Variants in LRRC4C observed in about 807,000 individuals in gnomAD.
LRRC4C encodes leucine-rich repeat-containing protein 4C.
LRRC4C carries 5 observed loss-of-function variants against 33.6 expected under a neutral mutation model. The observed-to-expected ratio is 0.15, with a 90% CI of 0.08 to 0.31. The LOEUF is 0.31. Ranked by LOEUF, LRRC4C falls within the 10% of genes least tolerant of loss-of-function variation. LRRC4C has a pLI of 1.00. For missense variants in LRRC4C, 560 were observed against 796.7 expected (o/e 0.70, Z 3.58); for synonymous variants, 329 against 302.0 (o/e 1.09, Z -0.93).
chr11:41,400,043 A>G (rs553189599), intron 1 of LRRC4C, among the ~76,000 whole-genome samples: 1 of 152,062 alleles, frequency 6.6e-6, no homozygotes, highest in South Asian at 2.1e-4. Context: ...GTGAATGTCA[A>G]TTTTGAGGAA....
chr11:41,019,224 T>C (rs1026530012), intron 1 of LRRC4C, among the ~76,000 whole-genome samples: 64 of 151,856 alleles, frequency 4.2e-4, no homozygotes, highest in African/African-American at 1.4e-3. Context: ...TCTCTGTCCA[T>C]GTGTCCTCAA....
intron 2 of LRRC4C, among the ~76,000 whole-genome samples, chr11:40,883,607 T>C (rs1168540412): frequency 1.3e-5 from 2 of 152,054 alleles, no homozygotes; most frequent in African/African-American, 2.4e-5. Flanking sequence ...GTTATGAGTA[T>C]ATCAACATAT....
intron 2 of LRRC4C, among the ~76,000 whole-genome samples, chr11:40,660,889 G>A (rs1943398092): frequency 6.6e-6 from 1 of 152,130 alleles, no homozygotes; most frequent in Non-Finnish European, 1.5e-5. Context: ...TGCAAATTAT[G>A]TCCCAACAAA....
intron 1 of LRRC4C, among the ~76,000 whole-genome samples, chr11:41,246,170 A>C (rs1948444237): frequency 6.6e-6 from 1 of 152,064 alleles, no homozygotes; most frequent in Non-Finnish European, 1.5e-5. Flanking sequence ...TTGTTCCTGC[A>C]GAGGGGGTGC....
At chr11:40,696,551 T>A (rs1389523701) in intron 2 of LRRC4C, among the ~76,000 whole-genome samples, 1 of 149,140 alleles carries the variant, frequency 6.7e-6, no homozygotes, top group Non-Finnish European at 1.5e-5. Flanking sequence ...TTTTTCTTTT[T>A]ATTGACTCCC....
chr11:40,894,101 A>T (rs1252695776), intron 2 of LRRC4C, among the ~76,000 whole-genome samples: 2 of 152,092 alleles, frequency 1.3e-5, no homozygotes, highest in Non-Finnish European at 2.9e-5. Context: ...TTGCAGATCA[A>T]TTTTTTCCTT....
chr11:41,399,749 AAGG>A (rs1394395853), intron 1 of LRRC4C, among the ~76,000 whole-genome samples: 1 of 151,956 alleles, frequency 6.6e-6, no homozygotes, highest in Non-Finnish European at 1.5e-5. Context: ...GTGGCACTTT[AAGG>A]AGATTAGAGA....
intron 2 of LRRC4C, among the ~76,000 whole-genome samples, chr11:40,752,621 A>C (rs113163391): frequency 6.6e-5 from 10 of 152,134 alleles, no homozygotes; most frequent in Middle Eastern, 3.4e-3. Context: ...ACAAAAAAAA[A>C]CAGATGCTTG....
chr11:40,322,412 A>ATTTTTGTG (rs1324044406), intron 3 of LRRC4C, among the ~76,000 whole-genome samples: 2 of 152,038 alleles, frequency 1.3e-5, no homozygotes, highest in Non-Finnish European at 2.9e-5. Context: ...TGCCTGGCTA[A>ATTTTTGTG]TTTTTGTGTT....
At chr11:40,906,404 G>A (rs774807446) in intron 2 of LRRC4C, among the ~76,000 whole-genome samples, 7 of 152,076 alleles carry the variant, frequency 4.6e-5, no homozygotes, top group Admixed American at 6.5e-5. Context: ...CCAGCTACTC[G>A]GGAGGCTGAG....
chr11:40,917,503 C>T (rs918447450), intron 2 of LRRC4C, among the ~76,000 whole-genome samples: 6 of 152,054 alleles, frequency 3.9e-5, no homozygotes, highest in African/African-American at 1.2e-4. Context: ...AACCTAGGGG[C>T]ACTTAAATTA....
intron 1 of LRRC4C, among the ~76,000 whole-genome samples, chr11:41,228,132 C>T (rs1947624921): frequency 6.6e-6 from 1 of 152,090 alleles, no homozygotes; most frequent in African/African-American, 2.4e-5. Context: ...TATCACCTAT[C>T]TTTCTATCTA....
At chr11:41,256,081 A>G (rs1450937831) in intron 1 of LRRC4C, among the ~76,000 whole-genome samples, 1 of 152,068 alleles carries the variant, frequency 6.6e-6, no homozygotes, top group Non-Finnish European at 1.5e-5. Context: ...ATAAAAATAA[A>G]TTCCAAATGG....
chr11:41,281,083 CT>C lies in LRRC4C; in HGVS notation c.-496+178347del, dbSNP rs1949659336. Among the ~76,000 whole-genome samples the C allele has an allele frequency of 7.0e-5, 6 of 85,622 alleles. No homozygotes were observed. In the East Asian group the frequency reaches 8.2e-4, roughly 12 times the overall value. 56.2% of individuals were successfully genotyped at this position (85,622 alleles called of 152,430 possible). On this transcript the variant is annotated intron_variant, in intron 1 of 6. Transcript: ENST00000528697. ...CTCTCTCTCTCTCTCTCTGTCCTCT[CT>C]CTCTCTCTCTCTCTCTCTCTCACAC...
intron 2 of LRRC4C, among the ~76,000 whole-genome samples, chr11:40,662,931 G>C (rs1218895329): frequency 2.0e-5 from 3 of 152,188 alleles, no homozygotes; most frequent in Non-Finnish European, 2.9e-5. Context: ...AGTAGTAGTG[G>C]TGTGGTTGGT....
chr11:40,284,325 T>A (rs984131288), intron 4 of LRRC4C, among the ~76,000 whole-genome samples: 9 of 152,192 alleles, frequency 5.9e-5, no homozygotes, highest in Non-Finnish European at 2.9e-5. Context: ...GGCTGGCCTG[T>A]GCTGTTGAGA....
intron 4 of LRRC4C, among the ~76,000 whole-genome samples, chr11:40,312,876 C>G (rs931604636): frequency 1.3e-5 from 2 of 151,148 alleles, no homozygotes; most frequent in African/African-American, 4.9e-5. Flanking sequence ...CATGAAGGCT[C>G]AAGCTCTCCC....
intron 1 of LRRC4C, among the ~76,000 whole-genome samples, chr11:41,412,877 T>A (rs1229297260): frequency 6.6e-6 from 1 of 152,196 alleles, no homozygotes. Flanking sequence ...TGCTCAGATC[T>A]GCACAATCTG....
intron 1 of LRRC4C, among the ~76,000 whole-genome samples, chr11:41,370,580 TCTC>T (rs1952710085): frequency 6.6e-6 from 1 of 152,110 alleles, no homozygotes; most frequent in African/African-American, 2.4e-5. Context: ...GAAGCGCCTT[TCTC>T]CTCCTGCCAT....
Sources: gnomAD v4.1 joint callset for allele counts (sites outside exome capture counted in the v4.1 genomes callset) on GRCh38, gnomAD v4.1.1 for gene constraint, MANE v1.5 for transcripts, NCBI Gene and HGNC (gene_info 2026-07-23, HGNC 2026-07-21) for gene names.